The following STIMATE variants were observed in gnomAD, a reference collection of about 807,000 sequenced individuals.
The protein encoded by STIMATE is STIM activating enhancer.
STIMATE carries 15 observed loss-of-function variants against 36.7 expected under a neutral mutation model. The observed-to-expected ratio is 0.41, with a 90% CI of 0.27 to 0.63. The LOEUF (loss-of-function observed/expected upper bound fraction) is 0.63, where lower values mean the gene tolerates loss of function less well. Ranked by LOEUF, STIMATE falls within the 20% of genes least tolerant of loss-of-function variation. The pLI, the probability that STIMATE is intolerant of heterozygous loss-of-function variation, is 0.32. For missense variants in STIMATE, 305 were observed against 397.3 expected, an observed-to-expected ratio of 0.77 and a Z score of 1.98; for synonymous variants, 163 against 162.3, an observed-to-expected ratio of 1.00 and a Z score of -0.03.
intron 1 of STIMATE, among the ~76,000 whole-genome samples, chr3:52,869,860 G>A (rs1264870079): frequency 6.6e-6 from 1 of 152,228 alleles, no homozygotes; most frequent in Non-Finnish European, 1.5e-5. Flanking sequence ...AGGGAGACTT[G>A]CTTAACATCT....
chr3:52,871,619 T>TTCAC (rs965375174), intron 1 of STIMATE, among the ~76,000 whole-genome samples: 4 of 152,076 alleles, frequency 2.6e-5, no homozygotes, highest in African/African-American at 4.8e-5. Context: ...GGGATTATTA[T>TTCAC]TCACTCACTC....
intron 1 of STIMATE, among the ~76,000 whole-genome samples, chr3:52,891,873 C>T (rs1433954092): frequency 1.3e-5 from 2 of 152,230 alleles, no homozygotes; most frequent in Non-Finnish European, 2.9e-5. Flanking sequence ...GAGGGCCTAA[C>T]ATGTGCCTGA....
intron 1 of STIMATE, 140 bp downstream of exon 1, chr3:52,897,151 G>A (rs1701878276): frequency 6.9e-6 from 8 of 1,163,310 alleles, no homozygotes; most frequent in Non-Finnish European, 9.3e-6. Flanking sequence ...CCCTAGTGCA[G>A]GAATACCCAG....
intron 7 of STIMATE, 74 bp from the exon 8 acceptor site, chr3:52,840,684 G>C: frequency 7.1e-7 from 1 of 1,406,798 alleles, no homozygotes; most frequent in Non-Finnish European, 9.6e-7. Context: ...TGGACCCTGG[G>C]CCCTTCAAGT....
intron 1 of STIMATE, among the ~76,000 whole-genome samples, chr3:52,863,152 C>A (rs757429733): frequency 2.6e-5 from 4 of 152,274 alleles, no homozygotes; most frequent in Non-Finnish European, 4.4e-5. Context: ...AATAAAGATT[C>A]TTTTCTCTTT....
chr3:52,847,371 T>A lies in STIMATE; in HGVS notation c.427+2421A>T, dbSNP rs569897995. ...TCAAAAGGGAGAGTTTGGCCAGGGA[T>A]GGGCAGCAAGACCCATGAAGCACCG... On this transcript the variant is annotated intron_variant, in intron 4 of 7. Transcript: ENST00000355083. 1.3e-4 allele frequency: 158 copies of A among 1,245,464 alleles called. No individual in the cohort carries two copies. The African/African-American group carries it at 1.3e-3, about 10-fold the overall frequency. The allele number at this position is 1,245,464 out of a possible 1,614,324, so 77.2% of individuals were successfully genotyped here.
intron 1 of STIMATE, among the ~76,000 whole-genome samples, chr3:52,880,215 T>C (rs1261632074): frequency 2.6e-5 from 4 of 152,038 alleles, no homozygotes; most frequent in African/African-American, 9.7e-5. Context: ...GGCAACGGTG[T>C]GCATCAAGAG....
intron 1 of STIMATE, 60 bp from the exon 2 acceptor site, chr3:52,855,504 A>G (rs374057135): frequency 1.6e-5 from 26 of 1,610,760 alleles, no homozygotes; most frequent in African/African-American, 9.3e-5. Flanking sequence ...CAAGATGCAC[A>G]TAACAAGCTG....
chr3:52,860,164 CAT>C (rs1701194049), intron 1 of STIMATE, among the ~76,000 whole-genome samples: 1 of 149,228 alleles, frequency 6.7e-6, no homozygotes, highest in Non-Finnish European at 1.5e-5. Flanking sequence ...CATCTACCAT[CAT>C]ATGTTATTGA....
intron 1 of STIMATE, among the ~76,000 whole-genome samples, chr3:52,869,838 G>A (rs1218009002): frequency 2.0e-5 from 3 of 152,198 alleles, no homozygotes; most frequent in African/African-American, 7.2e-5. Context: ...CTTTAGAGCC[G>A]ACTGTGGGAC....
chr3:52,872,184 C>T (rs897266578), intron 1 of STIMATE, among the ~76,000 whole-genome samples: 1 of 152,176 alleles, frequency 6.6e-6, no homozygotes, highest in African/African-American at 2.4e-5. Context: ...GAAATTCTTA[C>T]ATTTTCTTAC....
intron 1 of STIMATE, among the ~76,000 whole-genome samples, chr3:52,879,454 C>A (rs1701566118): frequency 6.6e-6 from 1 of 152,188 alleles, no homozygotes; most frequent in Non-Finnish European, 1.5e-5. Context: ...CTTCTCACAG[C>A]TACTGACGCC....
intron 1 of STIMATE, among the ~76,000 whole-genome samples, chr3:52,870,246 C>A (rs1701379918): frequency 2.6e-5 from 4 of 152,176 alleles, no homozygotes; most frequent in Admixed American, 2.6e-4. Context: ...GTGTGGGCCA[C>A]CACACCTGGC....
chr3:52,846,156 C>T (rs1006458908), intron 4 of STIMATE, among the ~76,000 whole-genome samples: 2 of 152,194 alleles, frequency 1.3e-5, no homozygotes, highest in African/African-American at 2.4e-5. Flanking sequence ...CCAGGCCATT[C>T]CCTTTTCTGG....
At chr3:52,874,828 G>A in intron 1 of STIMATE, among the ~76,000 whole-genome samples, 1 of 152,008 alleles carries the variant, frequency 6.6e-6, no homozygotes, top group East Asian at 1.9e-4. Flanking sequence ...GGCGACAGAG[G>A]GAGATTCTGT....
intron 1 of STIMATE, among the ~76,000 whole-genome samples, chr3:52,872,964 G>A (rs1376374105): frequency 6.6e-6 from 1 of 152,170 alleles, no homozygotes; most frequent in Non-Finnish European, 1.5e-5. Flanking sequence ...TGATAATCTG[G>A]TCTAAGTGCT....
At chr3:52,862,653 T>G (rs1329831115) in intron 1 of STIMATE, among the ~76,000 whole-genome samples, 2 of 152,250 alleles carry the variant, frequency 1.3e-5, no homozygotes, top group Non-Finnish European at 2.9e-5. Context: ...AAGAAGCATA[T>G]AGGTGAGTTT....
chr3:52,856,866 A>G (rs897195976), intron 1 of STIMATE, among the ~76,000 whole-genome samples: 1 of 152,264 alleles, frequency 6.6e-6, no homozygotes, highest in Admixed American at 6.5e-5. Context: ...TTTTGAAGCT[A>G]CGTATCCTCC....
intron 1 of STIMATE, among the ~76,000 whole-genome samples, chr3:52,864,185 C>T (rs868722531): frequency 6.6e-6 from 1 of 152,242 alleles, no homozygotes; most frequent in Non-Finnish European, 1.5e-5. Flanking sequence ...GAGCCCCACC[C>T]CTGCAGCAAA....
Sources: allele counts gnomAD v4.1 joint callset (sites outside exome capture counted in the v4.1 genomes callset), GRCh38; gene constraint gnomAD v4.1.1; transcripts MANE v1.5; gene names NCBI Gene and HGNC (gene_info 2026-07-23, HGNC 2026-07-21).